RMND1: variants seen among roughly 807,000 people sequenced by gnomAD.
RMND1 encodes required for meiotic nuclear division protein 1 homolog.
Under a neutral mutation model 54.0 loss-of-function variants are expected in RMND1, and 41 were observed. The observed-to-expected ratio is 0.76, with a 90% CI of 0.59 to 0.98. The LOEUF (loss-of-function observed/expected upper bound fraction) is 0.98, where lower values mean the gene tolerates loss of function less well. RMND1 is among the 50% of genes least tolerant of loss of function. RMND1 has a pLI of 0.00. For missense variants in RMND1, 457 were observed against 532.0 expected (o/e 0.86, Z 1.39); for synonymous variants, 183 against 181.7 (o/e 1.01, Z -0.06).
intron 6 of RMND1, among the ~76,000 whole-genome samples, chr6:151,425,547 C>A (rs1780271762): frequency 6.6e-6 from 1 of 152,070 alleles, no homozygotes; most frequent in Non-Finnish European, 1.5e-5. Flanking sequence ...TAATGTAAAC[C>A]TAATAGAACA....
chr6:151,436,557 G>T lies in RMND1; in HGVS notation c.505-3C>A. The T allele has an allele frequency of 6.2e-7, 1 of 1,613,510 alleles. No homozygotes were observed. The highest frequency in any genetic ancestry group is 8.5e-7 in the Non-Finnish European group (1 of 1,179,576). ...AATGCTGTGCAGTGCATTAGGTCCT[G>T]TTCCAGGGAAATGAGCATAACATGG... On this transcript the variant is annotated splice_region_variant and splice_polypyrimidine_tract_variant and intron_variant, in intron 2 of 11. Coordinates refer to ENST00000444024, the MANE Select transcript of RMND1 (RefSeq NM_017909.4).
Position 151,435,880 on chromosome 6 carries a change from G to A in RMND1, c.613+566C>T, listed in dbSNP as rs139890046. On this transcript the variant is annotated intron_variant, in intron 3 of 11. Transcript: ENST00000444024. The stretch of plus-strand genomic sequence containing the variant: ...AGCACTTTGGGAGGCCGAGGCGGGA[G>A]GATTAGATGAGGTTGGGAGTTCGAG... Among the ~76,000 whole-genome samples the A allele has an allele frequency of 4.0e-3, 610 of 151,228 alleles. 6 individuals carry two copies. The highest frequency in any genetic ancestry group is 0.014 in the African/African-American group (587 of 41,332).
intron 3 of RMND1, 139 bp downstream of exon 3, chr6:151,436,301 TTATAAA>T: frequency 2.4e-6 from 2 of 826,988 alleles, no homozygotes; most frequent in Non-Finnish European, 3.7e-6. Context: ...TTTGTCATCT[TTATAAA>T]GAGATTCAAC....
chr6:151,411,705 T>C (rs1036326352), intron 10 of RMND1: 2 of 152,190 alleles, frequency 1.3e-5, no homozygotes, highest in African/African-American at 4.8e-5. Flanking sequence ...GATCAGATCA[T>C]TAAATTTGGC....
chr6:151,433,913 C>A (rs1020932778), intron 3 of RMND1, among the ~76,000 whole-genome samples: 38 of 150,746 alleles, frequency 2.5e-4, no homozygotes, highest in African/African-American at 8.8e-4. Flanking sequence ...CAGCTCAATG[C>A]AGCCTCAACC....
At chr6:151,423,431 G>A (rs1780208819) in intron 7 of RMND1, 94 bp downstream of exon 7, 1 of 778,820 alleles carries the variant, frequency 1.3e-6, no homozygotes, top group Non-Finnish European at 2.2e-6. Flanking sequence ...GCTTTGTTGA[G>A]TATTCTGAAA....
intron 1 of RMND1, among the ~76,000 whole-genome samples, chr6:151,450,435 CGTCTGGG>C (rs1781119226): frequency 1.2e-5 from 1 of 80,624 alleles, no homozygotes; most frequent in Non-Finnish European, 2.3e-5. Flanking sequence ...CCAGCCACCC[CGTCTGGG>C]AGGGAGGTGG....
intron 9 of RMND1, 95 bp downstream of exon 9, chr6:151,421,150 C>T (rs1190744134): frequency 2.1e-5 from 18 of 858,066 alleles, no homozygotes; most frequent in South Asian, 9.9e-5. Context: ...TTCCCATAAA[C>T]GTGTAAATGT....
intron 11 of RMND1, 58 bp downstream of exon 11, chr6:151,405,662 G>GC (rs149556269): frequency 1.2e-6 from 1 of 837,462 alleles, no homozygotes; most frequent in East Asian, 2.4e-5. Context: ...TATTAGCATA[G>GC]CCCCTGTATT....
chr6:151,420,120 C>T (rs745842357), intron 9 of RMND1, among the ~76,000 whole-genome samples: 8 of 152,234 alleles, frequency 5.3e-5, no homozygotes, highest in Non-Finnish European at 8.8e-5. Context: ...CACAAACCTA[C>T]GTATATTTAG....
chr6:151,433,477 A>G (rs1451673530), intron 3 of RMND1, among the ~76,000 whole-genome samples: 3 of 152,194 alleles, frequency 2.0e-5, no homozygotes, highest in Non-Finnish European at 2.9e-5. Context: ...TGATATTAAT[A>G]TTAGAGCTCA....
chr6:151,418,735 CTCTCT>C (rs1184492596), intron 9 of RMND1, among the ~76,000 whole-genome samples: 1 of 152,212 alleles, frequency 6.6e-6, no homozygotes, highest in Non-Finnish European at 1.5e-5. Flanking sequence ...TACACACTCT[CTCTCT>C]TAATTTCTAC....
At chr6:151,450,095 C>T (rs959985114) in intron 1 of RMND1, among the ~76,000 whole-genome samples, 4 of 152,136 alleles carry the variant, frequency 2.6e-5, no homozygotes, top group African/African-American at 4.8e-5. Flanking sequence ...AGGAGCCCCT[C>T]TGCCTGGCTG....
intron 3 of RMND1, chr6:151,436,113 A>C (rs199579039): frequency 5.5e-4 from 39 of 71,516 alleles, no homozygotes; most frequent in South Asian, 2.6e-3. Flanking sequence ...CCCAAAAAAC[A>C]AAAAAAAAAA....
At position 151,445,566 on chromosome 6, in the gene RMND1, T is replaced by C; in HGVS notation, c.246A>G (p.Pro82=). The change falls in exon 2 of 12, where the codon CCA becomes CCG. Residue 82 remains proline (P), a synonymous_variant. Transcript: ENST00000444024. ...QKKSDTSMLS[P]LNAARCQDEK... ...CATCTTGGCAACGAGCAGCATTTAA[T>C]GGAGACAGCATGCTGGTATCTGACT... 1 of 1,614,268 alleles carries C rather than the reference T, an allele frequency of 6.2e-7. No individual in the cohort carries two copies. Among genetic ancestry groups the C allele is most frequent in the Non-Finnish European group, 8.5e-7 (1 of 1,180,054 alleles).
intron 2 of RMND1, among the ~76,000 whole-genome samples, chr6:151,441,382 CT>C (rs888040648): frequency 2.5e-4 from 38 of 152,264 alleles, no homozygotes; most frequent in African/African-American, 8.2e-4. Context: ...AGTATTTGCT[CT>C]TTGCCTTCAG....
At chr6:151,445,868 T>C (rs1780940476) in intron 1 of RMND1, 43 bp from the exon 2 acceptor site, 1 of 1,452,414 alleles carries the variant, frequency 6.9e-7, no homozygotes, top group Non-Finnish European at 9.1e-7. Flanking sequence ...TAAATTAATG[T>C]TTAAAACATA....
chr6:151,449,678 A>ACGGTCTCCCTCTGATGC (rs1562803399), intron 1 of RMND1, among the ~76,000 whole-genome samples: 1 of 150,152 alleles, frequency 6.7e-6, no homozygotes, highest in East Asian at 2.0e-4. Context: ...CCCTCTCCCC[A>ACGGTCTCCCTCTGATGC]CGGTCTCCCT....
chr6:151,425,317 A>G (rs1780262586), intron 6 of RMND1, among the ~76,000 whole-genome samples: 1 of 152,312 alleles, frequency 6.6e-6, no homozygotes, highest in East Asian at 1.9e-4. Context: ...CAGAACTCAC[A>G]TAATAACCAT....
Sources: gnomAD v4.1 joint callset for allele counts (sites outside exome capture counted in the v4.1 genomes callset) on GRCh38, gnomAD v4.1.1 for gene constraint, MANE v1.5 for transcripts, NCBI Gene and HGNC (gene_info 2026-07-23, HGNC 2026-07-21) for gene names.